Variants in INO80D observed in about 807,000 individuals in gnomAD.
INO80D encodes the protein INO80 complex subunit D.
In INO80D, 21 loss-of-function variants were observed where a neutral mutation model predicts 87.6. The observed-to-expected ratio is 0.24, with a 90% confidence interval of 0.17 to 0.35. INO80D has a LOEUF of 0.35. INO80D is among the 10% of genes least tolerant of loss of function. INO80D has a pLI of 1.00. For synonymous variants in INO80D, 440 were observed against 491.0 expected (o/e 0.90, Z 1.37); for missense variants, 982 against 1,280.7 (o/e 0.77, Z 3.56).
intron 5 of INO80D, among the ~76,000 whole-genome samples, chr2:206,028,585 C>T (rs1456584693): frequency 2.0e-5 from 3 of 152,180 alleles, no homozygotes; most frequent in Non-Finnish European, 4.4e-5. Context: ...TCAGTAGACA[C>T]TTAATATACC....
At chr2:206,009,277 G>A (rs817990) in intron 9 of INO80D, among the ~76,000 whole-genome samples, 109,061 of 152,082 alleles carry the variant, frequency 0.72, 39,964 homozygotes, top group South Asian at 0.84. Context: ...CACTGCACTT[G>A]GCCTGGGAGA....
At chr2:206,010,997 G>A (rs952724829) in intron 8 of INO80D, among the ~76,000 whole-genome samples, 2 of 150,268 alleles carry the variant, frequency 1.3e-5, no homozygotes, top group Non-Finnish European at 3.0e-5. Flanking sequence ...GGAATTGCTT[G>A]AACCCGGGAG....
In INO80D at chr2:206,062,501, GA is replaced by G. The variant is rs910534149; in HGVS notation, c.218+297del. Among the ~76,000 whole-genome samples, 68 of 151,768 alleles carry G rather than the reference GA, an allele frequency of 4.5e-4. No individual in the cohort carries two copies. Among genetic ancestry groups the G allele is most frequent in the African/African-American group, 1.5e-3 (64 of 41,404 alleles). The stretch of plus-strand genomic sequence containing the variant: ...AAGACTTCAAGCAGCAACTTTGAGG[GA>G]AAAAAAATCTTTTAAAAATTCTAGA... On this transcript the variant is annotated intron_variant, in intron 3 of 10. Transcript: ENST00000403263. This position sits in a 1 kb window ranked among gnomAD's most constrained non-coding sequence, Gnocchi z 4.6.
At chr2:206,030,741 T>A (rs1321961184) in intron 5 of INO80D, among the ~76,000 whole-genome samples, 1 of 152,226 alleles carries the variant, frequency 6.6e-6, no homozygotes, top group Admixed American at 6.5e-5. Context: ...AGCAGAAGAC[T>A]TGTAATTTTT....
At chr2:206,011,437 C>T (rs1688171728) in intron 8 of INO80D, among the ~76,000 whole-genome samples, 1 of 152,226 alleles carries the variant, frequency 6.6e-6, no homozygotes, top group African/African-American at 2.4e-5. Context: ...TGATACCTGC[C>T]TTGCTCGCCT....
chr2:206,026,319 G>A (rs1040508566), intron 6 of INO80D, among the ~76,000 whole-genome samples: 1 of 152,120 alleles, frequency 6.6e-6, no homozygotes, highest in African/African-American at 2.4e-5. Context: ...GCCAAGGTGG[G>A]CAGATCACTT....
intron 5 of INO80D, among the ~76,000 whole-genome samples, chr2:206,034,819 T>C (rs1688853732): frequency 6.6e-6 from 1 of 152,148 alleles, no homozygotes; most frequent in South Asian, 2.1e-4. Context: ...TGTTTGCTGA[T>C]GATCTGATCG....
rs749910614 is a variant in INO80D at position 206,004,910 on chromosome 2, T to C, written c.2542A>G (p.Thr848Ala). Reference protein sequence around the residue: ...PYSDHITSPHTTSYSGDNMAA... With the variant: ...PYSDHITSPHATSYSGDNMAA... ...ATATTATCACCAGAGTACGATGTTG[T>C]GTGGGGAGAGGTGATATGGTCACTG... Residue 848 changes from threonine to alanine, a missense_variant, in exon 11 of 11, where the codon ACA becomes GCA. Physicochemically the swap from Thr to Ala is moderately conservative, Grantham distance 58 (BLOSUM62 0). Coordinates refer to ENST00000403263, the MANE Select transcript of INO80D (RefSeq NM_017759.5). The surrounding 1 kb of genome is among the most constrained non-coding windows in gnomAD (Gnocchi z 4.9). 9.9e-6 allele frequency: 16 copies of C among 1,613,838 alleles called. No individual in the cohort carries two copies. The highest frequency in any genetic ancestry group is 1.3e-5 in the African/African-American group (1 of 74,894).
chr2:206,051,345 T>C (rs1689365691), intron 4 of INO80D, among the ~76,000 whole-genome samples: 1 of 151,902 alleles, frequency 6.6e-6, no homozygotes, highest in Non-Finnish European at 1.5e-5. Context: ...GCCTCCCAAG[T>C]AGCAGAGATT....
At chr2:206,034,898 C>T (rs537788844) in intron 5 of INO80D, among the ~76,000 whole-genome samples, 9 of 152,118 alleles carry the variant, frequency 5.9e-5, no homozygotes, top group Admixed American at 1.3e-4. Context: ...GTAAAGTGTC[C>T]GGATACAAGG....
At chr2:206,006,126 T>A (rs1371433119) in intron 10 of INO80D, among the ~76,000 whole-genome samples, 1 of 152,214 alleles carries the variant, frequency 6.6e-6, no homozygotes, top group Non-Finnish European at 1.5e-5. Context: ...TTCCCATTTC[T>A]TACTAATTTT....
intron 7 of INO80D, 92 bp from the exon 8 acceptor site, chr2:206,017,905 T>C: frequency 9.2e-7 from 1 of 1,092,218 alleles, no homozygotes; most frequent in Non-Finnish European, 1.3e-6. Flanking sequence ...ATTTCATAAG[T>C]ACAAGCTTTA....
At chr2:206,079,813 C>T (rs531583102) in intron 1 of INO80D, among the ~76,000 whole-genome samples, 1 of 152,282 alleles carries the variant, frequency 6.6e-6, no homozygotes, top group East Asian at 1.9e-4. Context: ...CCAGACTGAC[C>T]TTTCCCTCTC....
intron 5 of INO80D, among the ~76,000 whole-genome samples, chr2:206,033,783 A>G (rs549218615): frequency 6.6e-6 from 1 of 152,194 alleles, no homozygotes; most frequent in Non-Finnish European, 1.5e-5. Context: ...AAAAAAATAC[A>G]AAAGATAAAT....
intron 6 of INO80D, 108 bp from the exon 7 acceptor site, chr2:206,019,953 T>A: frequency 1.4e-6 from 1 of 701,872 alleles, no homozygotes; most frequent in Non-Finnish European, 2.5e-6. Context: ...ATAATATATA[T>A]AACATCTACA....
At chr2:206,035,093 T>A (rs1688859011) in intron 5 of INO80D, among the ~76,000 whole-genome samples, 1 of 152,028 alleles carries the variant, frequency 6.6e-6, no homozygotes, top group African/African-American at 2.4e-5. Context: ...AAATCATGGA[T>A]GACACGAACA....
chr2:206,080,050 G>A (rs1288795059), intron 1 of INO80D, among the ~76,000 whole-genome samples: 1 of 152,178 alleles, frequency 6.6e-6, no homozygotes, highest in Non-Finnish European at 1.5e-5. Context: ...TCCAGGCTAA[G>A]CTATTACTTA....
At chr2:206,051,058 T>C (rs955664986) in intron 4 of INO80D, among the ~76,000 whole-genome samples, 3 of 151,852 alleles carry the variant, frequency 2.0e-5, no homozygotes, top group African/African-American at 7.3e-5. Flanking sequence ...AATGAAATGA[T>C]AAAAGGACTA....
At chr2:206,039,134 A>G (rs560630238) in intron 5 of INO80D, among the ~76,000 whole-genome samples, 1 of 152,290 alleles carries the variant, frequency 6.6e-6, no homozygotes, top group East Asian at 1.9e-4. Flanking sequence ...GCGGTACCTC[A>G]CCCCGGTAAT....
Sources: allele counts gnomAD v4.1 joint callset (sites outside exome capture counted in the v4.1 genomes callset), GRCh38; gene constraint gnomAD v4.1.1; non-coding constraint Gnocchi (gnomAD v3.1); transcripts MANE v1.5; gene names NCBI Gene and HGNC (gene_info 2026-07-23, HGNC 2026-07-21).